The following EYA1 variants were observed in gnomAD, a reference collection of about 807,000 sequenced individuals.
EYA1 encodes EYA transcriptional coactivator and phosphatase 1, also known as protein phosphatase EYA1.
EYA1 carries 16 observed loss-of-function variants against 82.0 expected under a neutral mutation model. The observed-to-expected ratio is 0.20, with a 90% CI of 0.13 to 0.30. EYA1 has a LOEUF of 0.30. EYA1 is among the 10% of genes least tolerant of loss of function. The pLI, the probability that EYA1 is intolerant of heterozygous loss-of-function variation, is 1.00. For synonymous variants in EYA1, 261 were observed against 264.4 expected (o/e 0.99, Z 0.12); for missense variants, 633 against 730.7 (o/e 0.87, Z 1.54).
rs199767977 is a variant in EYA1 at position 71,216,953 on chromosome 8, A to G, written c.1199+12T>C. ...AAAGGGAGATGGTCACTTCACATTC[A>G]AGGGTGCTCACCTTAGGTCCTGTCC... On this transcript the variant is annotated intron_variant, in intron 13 of 17. Transcript: ENST00000340726. 3.0e-5 allele frequency: 49 copies of G among 1,613,022 alleles called. No homozygotes were observed. The highest frequency in any genetic ancestry group is 4.1e-5 in the Non-Finnish European group (48 of 1,178,954).
At chr8:71,517,627 C>T (rs1813063530) in intron 2 of EYA1, among the ~76,000 whole-genome samples, 1 of 150,418 alleles carries the variant, frequency 6.6e-6, no homozygotes, top group Non-Finnish European at 1.5e-5. Context: ...TGACTTTAAC[C>T]AAAGAACTAA....
At chr8:71,510,142 C>T (rs1812485363) in intron 2 of EYA1, among the ~76,000 whole-genome samples, 1 of 152,060 alleles carries the variant, frequency 6.6e-6, no homozygotes, top group Non-Finnish European at 1.5e-5. Flanking sequence ...ATGATACTAG[C>T]AGAGGCTTTA....
intron 2 of EYA1, among the ~76,000 whole-genome samples, chr8:71,418,114 C>T (rs1167022173): frequency 6.6e-6 from 1 of 152,172 alleles, no homozygotes; most frequent in African/African-American, 2.4e-5. Context: ...ACTCCTCACA[C>T]TGAGTCCTGA....
intron 2 of EYA1, among the ~76,000 whole-genome samples, chr8:71,392,570 C>T (rs1428642285): frequency 1.3e-5 from 2 of 152,134 alleles, no homozygotes; most frequent in Non-Finnish European, 2.9e-5. Flanking sequence ...CTGTAGTGAG[C>T]TTACTCCATC....
intron 2 of EYA1, among the ~76,000 whole-genome samples, chr8:71,497,560 A>G (rs1349224336): frequency 5.3e-5 from 8 of 152,200 alleles, no homozygotes; most frequent in Non-Finnish European, 1.2e-4. Context: ...TTTTAAAAAG[A>G]TAACAGATAA....
chr8:71,322,284 A>G lies in EYA1; in HGVS notation c.203-16T>C, dbSNP rs1342337171. On this transcript the variant is annotated splice_polypyrimidine_tract_variant and intron_variant, in intron 4 of 17. Transcript: ENST00000340726. Reference sequence around the variant, plus strand: ...CTCCCAATTGCTGGAAAACAAAAACAAAACAAAATAATGCACAATAATCCA... The same window carrying G: ...CTCCCAATTGCTGGAAAACAAAAACGAAACAAAATAATGCACAATAATCCA... 1.2e-6 allele frequency: 2 copies of G among 1,608,066 alleles called. No individual in the cohort carries two copies. Among genetic ancestry groups the G allele is most frequent in the East Asian group, 2.2e-5 (1 of 44,846 alleles).
intron 2 of EYA1, among the ~76,000 whole-genome samples, chr8:71,497,473 C>T (rs1027740076): frequency 1.3e-5 from 2 of 152,152 alleles, no homozygotes; most frequent in Non-Finnish European, 2.9e-5. Context: ...TGACAATATG[C>T]TTGATATCAC....
chr8:71,222,874 G>C (rs902987440), intron 12 of EYA1, among the ~76,000 whole-genome samples: 17 of 152,158 alleles, frequency 1.1e-4, no homozygotes, highest in African/African-American at 4.1e-4. Flanking sequence ...GTTCTTAGAG[G>C]CTTCTCAGTT....
At chr8:71,516,582 T>C (rs981649503) in intron 2 of EYA1, among the ~76,000 whole-genome samples, 14 of 152,198 alleles carry the variant, frequency 9.2e-5, no homozygotes, top group African/African-American at 3.4e-4. Context: ...ATTTATTATA[T>C]GCAAATACAA....
chr8:71,505,499 C>T (rs927318968), intron 2 of EYA1, among the ~76,000 whole-genome samples: 2 of 152,316 alleles, frequency 1.3e-5, no homozygotes, highest in African/African-American at 4.8e-5. Context: ...GAATAGGGGA[C>T]TCTCAGGGTG....
intron 3 of EYA1, among the ~76,000 whole-genome samples, chr8:71,348,297 A>C (rs1043766027): frequency 6.6e-6 from 1 of 152,230 alleles, no homozygotes; most frequent in Non-Finnish European, 1.5e-5. Flanking sequence ...ATTACTTAAA[A>C]GCAGGGAATC....
chr8:71,340,684 AC>A (rs1317182574), intron 3 of EYA1, among the ~76,000 whole-genome samples: 2 of 152,034 alleles, frequency 1.3e-5, no homozygotes, highest in East Asian at 3.9e-4. Flanking sequence ...GTTCTCTTCT[AC>A]CTCATTTTAT....
chr8:71,233,783 C>T (rs946657946), intron 12 of EYA1, among the ~76,000 whole-genome samples: 2 of 152,056 alleles, frequency 1.3e-5, no homozygotes, highest in African/African-American at 4.8e-5. Context: ...TGAGATTAAT[C>T]TTCATTTACT....
intron 2 of EYA1, among the ~76,000 whole-genome samples, chr8:71,485,791 T>C (rs1385305011): frequency 2.6e-5 from 4 of 152,198 alleles, no homozygotes; most frequent in African/African-American, 9.7e-5. Context: ...TCCAAAAGAT[T>C]TGACATCCAA....
chr8:71,434,551 G>T (rs1805864664), intron 2 of EYA1, among the ~76,000 whole-genome samples: 1 of 152,072 alleles, frequency 6.6e-6, no homozygotes, highest in Admixed American at 6.6e-5. Flanking sequence ...AAAATTAGAG[G>T]TTACATAGAA....
chr8:71,246,340 T>C (rs1012390345), intron 11 of EYA1, among the ~76,000 whole-genome samples: 1 of 152,238 alleles, frequency 6.6e-6, no homozygotes, highest in African/African-American at 2.4e-5. Context: ...GTAGGCCCCA[T>C]TGGGCAGGTA....
intron 2 of EYA1, among the ~76,000 whole-genome samples, chr8:71,419,236 T>C (rs141781629): frequency 2.9e-3 from 438 of 152,236 alleles, no homozygotes; most frequent in African/African-American, 9.7e-3. Flanking sequence ...GGGAACCAAA[T>C]AAGGAACTAG....
intron 2 of EYA1, among the ~76,000 whole-genome samples, chr8:71,528,670 T>G (rs1814001028): frequency 6.6e-6 from 1 of 152,134 alleles, no homozygotes; most frequent in Non-Finnish European, 1.5e-5. Flanking sequence ...ATTCCCCCAG[T>G]CAAATACATT....
upstream of EYA1, among the ~76,000 whole-genome samples, chr8:71,364,417 T>A (rs973262320): frequency 2.0e-5 from 3 of 152,032 alleles, no homozygotes; most frequent in African/African-American, 4.8e-5. Context: ...ATTTAAGCTA[T>A]TAACAACACC....
Sources: allele counts gnomAD v4.1 joint callset (sites outside exome capture counted in the v4.1 genomes callset), GRCh38; gene constraint gnomAD v4.1.1; transcripts MANE v1.5; gene names NCBI Gene and HGNC (gene_info 2026-07-23, HGNC 2026-07-21).